ERC2: variants seen among roughly 807,000 people sequenced by gnomAD.
The protein encoded by ERC2 is ERC protein 2.
In ERC2, 42 loss-of-function variants were observed where a neutral mutation model predicts 114.8. The observed-to-expected ratio is 0.37, with a 90% CI of 0.29 to 0.47. The LOEUF is 0.47. ERC2 is among the 20% of genes least tolerant of loss of function. The probability of loss-of-function intolerance (pLI) is 0.99; values close to 1 mark genes in which losing one functional copy is unlikely to be tolerated. For synonymous variants in ERC2, 454 were observed against 425.5 expected, an observed-to-expected ratio of 1.07 and a Z score of -0.82; for missense variants, 939 against 1,150.7, an observed-to-expected ratio of 0.82 and a Z score of 2.66.
chr3:55,707,195 A>G (rs1486026554), intron 15 of ERC2, among the ~76,000 whole-genome samples: 1 of 152,038 alleles, frequency 6.6e-6, no homozygotes. Flanking sequence ...GCACTTTGGG[A>G]GGCAGAGGCA....
At chr3:55,864,692 A>T (rs2062213911) in intron 14 of ERC2, among the ~76,000 whole-genome samples, 1 of 152,146 alleles carries the variant, frequency 6.6e-6, no homozygotes, top group African/African-American at 2.4e-5. Context: ...GCCTGAAAAG[A>T]TATAACTTAA....
chr3:55,573,618 T>C (rs1480870073), intron 17 of ERC2, among the ~76,000 whole-genome samples: 2 of 152,108 alleles, frequency 1.3e-5, no homozygotes, highest in Non-Finnish European at 2.9e-5. Context: ...TTTTTATGAC[T>C]TTCTTTTCCA....
chr3:55,691,573 A>AAAAAAATATAT (rs1553631525), intron 16 of ERC2, among the ~76,000 whole-genome samples: 5 of 39,746 alleles, frequency 1.3e-4, no homozygotes, highest in Non-Finnish European at 2.3e-4. Flanking sequence ...AAAAAAAAAA[A>AAAAAAATATAT]ATATATATAT....
chr3:55,620,439 A>G (rs1231147105), intron 17 of ERC2, among the ~76,000 whole-genome samples: 1 of 152,198 alleles, frequency 6.6e-6, no homozygotes, highest in Non-Finnish European at 1.5e-5. Context: ...GAGGTGTCTC[A>G]TCAGACCCTG....
intron 2 of ERC2, among the ~76,000 whole-genome samples, chr3:56,378,246 A>T (rs1008681372): frequency 2.0e-5 from 3 of 150,038 alleles, no homozygotes; most frequent in Non-Finnish European, 4.4e-5. Context: ...CAGCCATAAA[A>T]AATGATGAGT....
chr3:55,576,665 C>T (rs1021673291), intron 17 of ERC2, among the ~76,000 whole-genome samples: 4 of 152,230 alleles, frequency 2.6e-5, no homozygotes, highest in East Asian at 1.9e-4. Context: ...GAAGCAGCTG[C>T]GGAGGAAACC....
intron 2 of ERC2, among the ~76,000 whole-genome samples, chr3:56,321,967 T>C (rs970463572): frequency 6.6e-6 from 1 of 152,200 alleles, no homozygotes; most frequent in Non-Finnish European, 1.5e-5. Flanking sequence ...ACAAGAAATA[T>C]ACCAAAAACT....
At chr3:55,807,932 A>G (rs939570679) in intron 14 of ERC2, among the ~76,000 whole-genome samples, 2 of 152,126 alleles carry the variant, frequency 1.3e-5, no homozygotes, top group Non-Finnish European at 2.9e-5. Flanking sequence ...AGGCTTTTGG[A>G]AGTAAGGCTG....
In ERC2 at chr3:55,605,004, G is replaced by A. The variant is rs117836939; in HGVS notation, c.*39+78790C>T. 8.9e-3 allele frequency among the ~76,000 whole-genome samples: 1,353 copies of A among 152,250 alleles called. 44 individuals are homozygous for A. The South Asian group carries it at 0.095, about 11-fold the overall frequency. On this transcript the variant is annotated intron_variant, in intron 17 of 17. Transcript: ENST00000288221. ...AATTTACATTACTAAGAAGTCCCCA[G>A]GTGATGCGAGGATGCCAGTGGCTCT...
In ERC2 at chr3:55,699,411, C is replaced by T. The variant is rs188570376; in HGVS notation, c.2814G>A (p.Ser938=). The change falls in exon 16 of 18, where the codon TCG becomes TCA. Residue 938 remains serine (S), a synonymous_variant. Transcript: ENST00000288221. The part of the protein sequence containing the change: ...HHHHHRSPGR[S]QHSNHRPSPD... ...GAGAGGGCCTGTGATTGGAATGTTG[C>T]GACCTCCCAGGAGATCGATGGTGGT... The T allele has an allele frequency of 5.0e-4, 808 of 1,613,592 alleles. No individual in the cohort carries two copies. Among genetic ancestry groups the T allele is most frequent in the Middle Eastern group, 2.0e-3 (12 of 6,046 alleles).
chr3:56,043,797 A>C (rs1164679643), intron 7 of ERC2, among the ~76,000 whole-genome samples: 2 of 152,248 alleles, frequency 1.3e-5, no homozygotes, highest in East Asian at 3.9e-4. Context: ...CTACAATTCA[A>C]TTGCAACTAA....
intron 17 of ERC2, among the ~76,000 whole-genome samples, chr3:55,646,676 C>T (rs2060412201): frequency 6.6e-6 from 1 of 152,108 alleles, no homozygotes; most frequent in African/African-American, 2.4e-5. Context: ...AAGGCTTTTT[C>T]CCCCAGTGGA....
intron 3 of ERC2, among the ~76,000 whole-genome samples, chr3:56,200,823 G>A (rs570437221): frequency 2.0e-5 from 3 of 152,258 alleles, no homozygotes; most frequent in African/African-American, 7.2e-5. Flanking sequence ...CTTGAAATGG[G>A]CCATGGTGGG....
chr3:55,820,877 G>T (rs553906690), intron 14 of ERC2, among the ~76,000 whole-genome samples: 7 of 152,192 alleles, frequency 4.6e-5, no homozygotes, highest in African/African-American at 1.7e-4. Context: ...AAGCTACTGC[G>T]CTGGCATAAG....
intron 3 of ERC2, among the ~76,000 whole-genome samples, chr3:56,289,472 G>A (rs2054939454): frequency 6.6e-6 from 1 of 152,198 alleles, no homozygotes; most frequent in African/African-American, 2.4e-5. Flanking sequence ...AGGCTCCCCA[G>A]AGCCCACAGA....
At chr3:56,352,576 A>G (rs902302809) in intron 2 of ERC2, among the ~76,000 whole-genome samples, 1 of 152,204 alleles carries the variant, frequency 6.6e-6, no homozygotes, top group African/African-American at 2.4e-5. Flanking sequence ...TTAGTTATAT[A>G]TTGCTACATA....
intron 14 of ERC2, among the ~76,000 whole-genome samples, chr3:55,827,629 C>G (rs2060384869): frequency 6.6e-6 from 1 of 152,138 alleles, no homozygotes; most frequent in Admixed American, 6.5e-5. Context: ...AAAACTTGGG[C>G]ACAATGTAAA....
intron 17 of ERC2, among the ~76,000 whole-genome samples, chr3:55,525,108 T>G (rs1281093934): frequency 1.3e-5 from 2 of 152,214 alleles, no homozygotes; most frequent in Non-Finnish European, 2.9e-5. Context: ...TAAAGCATCA[T>G]TTCTCTGAGT....
chr3:56,415,021 T>C (rs1021671620), intron 2 of ERC2, among the ~76,000 whole-genome samples: 5 of 152,202 alleles, frequency 3.3e-5, no homozygotes, highest in African/African-American at 1.2e-4. Flanking sequence ...CTACCACATC[T>C]TTCTGGTATT....
Sources: gnomAD v4.1 joint callset for allele counts (sites outside exome capture counted in the v4.1 genomes callset) on GRCh38, gnomAD v4.1.1 for gene constraint, MANE v1.5 for transcripts, NCBI Gene and HGNC (gene_info 2026-07-23, HGNC 2026-07-21) for gene names.